MYO5B: variants seen among roughly 807,000 people sequenced by gnomAD.
MYO5B encodes unconventional myosin-Vb.
In MYO5B, 143 loss-of-function variants were observed where a neutral mutation model predicts 229.3. The ratio of observed to expected loss-of-function variants is 0.62; its 90% CI spans 0.54 to 0.72. The LOEUF is 0.72. MYO5B is among the 30% of genes least tolerant of loss of function. MYO5B has a pLI of 0.00. For missense variants in MYO5B, 2,321 were observed against 2,331.0 expected, an observed-to-expected ratio of 1.00 and a Z score of 0.09; for synonymous variants, 918 against 885.2, an observed-to-expected ratio of 1.04 and a Z score of -0.66.
chr18:49,888,165 C>G (rs561145845), intron 22 of MYO5B, among the ~76,000 whole-genome samples: 1 of 152,218 alleles, frequency 6.6e-6, no homozygotes, highest in Admixed American at 6.5e-5. Context: ...CTGGGCTGGA[C>G]AATTCTTTCT....
intron 17 of MYO5B, among the ~76,000 whole-genome samples, chr18:49,915,098 A>G (rs1379931785): frequency 6.6e-6 from 1 of 152,176 alleles, no homozygotes; most frequent in Non-Finnish European, 1.5e-5. Flanking sequence ...AGAAGGGGTG[A>G]GTATAAGAGC....
intron 1 of MYO5B, among the ~76,000 whole-genome samples, chr18:50,086,971 G>A (rs996052677): frequency 4.6e-5 from 7 of 152,114 alleles, no homozygotes; most frequent in Non-Finnish European, 8.8e-5. Context: ...CGGACTGACT[G>A]GGAATAGTAA....
At chr18:49,912,352 C>T (rs1269784839) in intron 17 of MYO5B, among the ~76,000 whole-genome samples, 179 bp from the exon 18 acceptor site, 2 of 152,120 alleles carry the variant, frequency 1.3e-5, no homozygotes, top group Non-Finnish European at 2.9e-5. Context: ...AAGAATTTCA[C>T]TGTGAATGTG....
chr18:50,193,281 C>T (rs1330235686), intron 1 of MYO5B, among the ~76,000 whole-genome samples: 1 of 152,238 alleles, frequency 6.6e-6, no homozygotes, highest in Non-Finnish European at 1.5e-5. Flanking sequence ...ACCTCCTCCC[C>T]TCCTCCCCCA....
chr18:49,906,487 C>T lies in MYO5B; in HGVS notation c.2346G>A (p.Val782=). Residue 782 remains valine, a synonymous_variant, in exon 19 of 40, where the codon GTG becomes GTA. Transcript: ENST00000285039. ...TAGCCCCCTTCAGCCTGTGATATTT[C>T]ACCTTCTGCAGCCATCCCCGGACAG... ...QKTVRGWLQK[V]KYHRLKGATL... The T allele has an allele frequency of 6.2e-7, 1 of 1,614,214 alleles. No individual in the cohort carries two copies. The highest frequency in any genetic ancestry group is 8.5e-7 in the Non-Finnish European group (1 of 1,180,036).
At chr18:49,930,758 G>C (rs2025180743) in intron 16 of MYO5B, among the ~76,000 whole-genome samples, 1 of 152,040 alleles carries the variant, frequency 6.6e-6, no homozygotes, top group Non-Finnish European at 1.5e-5. Flanking sequence ...TGGGCGTGGT[G>C]GTGGGTGCCT....
At chr18:49,837,051 A>G (rs996474170) in intron 37 of MYO5B, among the ~76,000 whole-genome samples, 166 bp from the exon 38 acceptor site, 24 of 152,386 alleles carry the variant, frequency 1.6e-4, no homozygotes, top group Admixed American at 1.3e-4. Flanking sequence ...TTTGTTGAAT[A>G]AAGAATGAAT....
intron 5 of MYO5B, among the ~76,000 whole-genome samples, chr18:49,998,956 A>G (rs1007571039): frequency 3.3e-5 from 5 of 152,240 alleles, no homozygotes; most frequent in Admixed American, 2.6e-4. Context: ...AATGTACCAA[A>G]TGCCACTAAA....
At chr18:50,098,287 T>A (rs1035949933) in intron 1 of MYO5B, among the ~76,000 whole-genome samples, 1 of 152,156 alleles carries the variant, frequency 6.6e-6, no homozygotes, top group Non-Finnish European at 1.5e-5. Flanking sequence ...ATCTTATAGG[T>A]GTATTGTTCC....
At chr18:50,183,927 TG>T (rs2033112225) in intron 1 of MYO5B, among the ~76,000 whole-genome samples, 1 of 152,182 alleles carries the variant, frequency 6.6e-6, no homozygotes, top group South Asian at 2.1e-4. Context: ...TTTGTCTTTT[TG>T]CACATGTCTG....
chr18:50,079,452 G>C (rs2031162406), intron 1 of MYO5B, among the ~76,000 whole-genome samples: 1 of 152,012 alleles, frequency 6.6e-6, no homozygotes, highest in Admixed American at 6.6e-5. Flanking sequence ...ACCAACCACT[G>C]CCTCCCTCTC....
chr18:49,836,571 G>T, intron 38 of MYO5B, 140 bp downstream of exon 38: 2 of 948,576 alleles, frequency 2.1e-6, no homozygotes, highest in Non-Finnish European at 3.3e-6. Flanking sequence ...CCCATCAGCT[G>T]CACTTCAAAA....
chr18:49,958,858 G>T (rs569698708), intron 12 of MYO5B, among the ~76,000 whole-genome samples: 1 of 152,254 alleles, frequency 6.6e-6, no homozygotes, highest in South Asian at 2.1e-4. Flanking sequence ...TGGCCTCAGG[G>T]TGCTGCCCCC....
chr18:49,938,266 A>G (rs1244395910), intron 14 of MYO5B, among the ~76,000 whole-genome samples: 1 of 152,190 alleles, frequency 6.6e-6, no homozygotes, highest in Non-Finnish European at 1.5e-5. Context: ...TAAGAGGTTA[A>G]TATCTTCATC....
chr18:50,066,245 A>G (rs981426916), intron 1 of MYO5B, among the ~76,000 whole-genome samples: 1 of 152,182 alleles, frequency 6.6e-6, no homozygotes, highest in Non-Finnish European at 1.5e-5. Context: ...TTGTCCTCAT[A>G]TGAGCACTAA....
chr18:49,902,709 G>A lies in MYO5B; in HGVS notation c.2696C>T (p.Ala899Val). ...CCTGAGGGCCTTCAGCTCCCGCCTG[G>A]CCTTGAGCATCCGGAAGGCACACTG... ...VIQCAFRMLK[A>V]RRELKALRIE... The change falls in exon 21 of 40, where the codon GCC (alanine) becomes GTC (valine). Residue 899 changes from alanine (A) to valine (V), a missense_variant. By Grantham distance (64) the Ala-to-Val change is moderately conservative (BLOSUM62 0). Transcript: ENST00000285039. 1 of 1,611,702 alleles carries A rather than the reference G, an allele frequency of 6.2e-7. No individual in the cohort carries two copies. The highest frequency in any genetic ancestry group is 1.6e-4 in the Middle Eastern group (1 of 6,062).
intron 1 of MYO5B, among the ~76,000 whole-genome samples, chr18:50,130,095 C>CA (rs1479346900): frequency 2.0e-5 from 3 of 152,186 alleles, no homozygotes; most frequent in African/African-American, 7.2e-5. Flanking sequence ...AACATTGATG[C>CA]AACCACAGCA....
chr18:50,195,006 C>A lies in MYO5B; in HGVS notation c.-213G>T, dbSNP rs981825435. ...TACTCCCGCCGCGGCGGCGCAGCTA[C>A]GGCCGGACAGGAGTTGCGAGCGCCG... On this transcript the variant is annotated 5_prime_UTR_variant, in exon 1 of 40. Transcript: ENST00000285039. 10 of 580,556 alleles carry A rather than the reference C, an allele frequency of 1.7e-5. No individual in the cohort carries two copies. The highest frequency in any genetic ancestry group is 5.5e-4 in the Middle Eastern group (1 of 1,824). The allele number at this position is 580,556 out of a possible 1,614,324, so 36.0% of individuals were successfully genotyped here.
At chr18:49,868,239 A>C (rs1468032149) in intron 27 of MYO5B, among the ~76,000 whole-genome samples, 4 of 152,232 alleles carry the variant, frequency 2.6e-5, no homozygotes, top group African/African-American at 9.6e-5. Context: ...TGTATTTTAA[A>C]ATTTTTCTAA....
Sources: gnomAD v4.1 joint callset for allele counts (sites outside exome capture counted in the v4.1 genomes callset) on GRCh38, gnomAD v4.1.1 for gene constraint, MANE v1.5 for transcripts, NCBI Gene and HGNC (gene_info 2026-07-23, HGNC 2026-07-21) for gene names.